ZBTB38: variants seen among roughly 807,000 people sequenced by gnomAD.
ZBTB38 encodes zinc finger and BTB domain-containing protein 38.
Under a neutral mutation model 76.8 loss-of-function variants are expected in ZBTB38, and 20 were observed. That is an observed-to-expected ratio of 0.26 (90% confidence interval 0.18 to 0.38). ZBTB38 has a LOEUF of 0.38. Ranked by LOEUF, ZBTB38 falls within the 10% of genes least tolerant of loss-of-function variation. ZBTB38 has a pLI of 1.00. For synonymous variants in ZBTB38, 504 were observed against 544.2 expected (o/e 0.93, Z 1.03); for missense variants, 1,082 against 1,482.3 (o/e 0.73, Z 4.43).
chr3:141,396,174 T>C (rs976340201), intron 4 of ZBTB38: 3 of 152,262 alleles, frequency 2.0e-5, no homozygotes, highest in African/African-American at 7.2e-5. Flanking sequence ...CTTTCAAAAG[T>C]AGAGTCAGTC....
intron 2 of ZBTB38, among the ~76,000 whole-genome samples, chr3:141,377,636 C>T (rs536175486): frequency 3.9e-5 from 6 of 152,268 alleles, no homozygotes; most frequent in African/African-American, 1.2e-4. Context: ...CTTATGTTCA[C>T]GCAATAAACT....
intron 2 of ZBTB38, among the ~76,000 whole-genome samples, chr3:141,380,159 A>T (rs1217641539): frequency 6.6e-6 from 1 of 152,206 alleles, no homozygotes; most frequent in Non-Finnish European, 1.5e-5. Flanking sequence ...CTCTCTTTGA[A>T]CCTAATTTTC....
Position 141,350,380 on chromosome 3 carries a change from G to T in ZBTB38, c.-738-18241G>T, listed in dbSNP as rs549583888. On this transcript the variant is annotated intron_variant, in intron 1 of 7. Transcript: ENST00000509842. ...ATTTCTTTTCTTGTATAGTCTTTTG[G>T]TTTTTTTCACTGGAGTTTGTATTTG... 5.3e-5 allele frequency among the ~76,000 whole-genome samples: 8 copies of T among 152,138 alleles called. No homozygotes were observed. The East Asian group carries it at 1.5e-3, about 29-fold the overall frequency.
chr3:141,352,920 C>A (rs546795183), intron 1 of ZBTB38, among the ~76,000 whole-genome samples: 1 of 152,096 alleles, frequency 6.6e-6, no homozygotes, highest in African/African-American at 2.4e-5. Flanking sequence ...AACATAAGAA[C>A]CCCCAAATAA....
At chr3:141,383,829 A>T (rs907205204) in intron 3 of ZBTB38, 6 of 152,244 alleles carry the variant, frequency 3.9e-5, no homozygotes, top group Non-Finnish European at 8.8e-5. Context: ...TGGCAGAAAC[A>T]GGCTAAAATG....
chr3:141,333,973 C>G (rs1193071735), intron 1 of ZBTB38, among the ~76,000 whole-genome samples: 1 of 152,088 alleles, frequency 6.6e-6, no homozygotes, highest in Non-Finnish European at 1.5e-5. Flanking sequence ...GTGTGGTTGC[C>G]TCTTACATAA....
At chr3:141,346,093 C>T (rs1943344647) in intron 1 of ZBTB38, among the ~76,000 whole-genome samples, 1 of 152,196 alleles carries the variant, frequency 6.6e-6, no homozygotes, top group African/African-American at 2.4e-5. Context: ...GCAATCACCT[C>T]TCTCTGAAGC....
chr3:141,328,941 A>C (rs1403493144), intron 1 of ZBTB38, among the ~76,000 whole-genome samples: 1 of 152,114 alleles, frequency 6.6e-6, no homozygotes, highest in Non-Finnish European at 1.5e-5. Context: ...GCATTCCCTG[A>C]GCCCTCCAGG....
At chr3:141,333,093 A>C (rs1432438414) in intron 1 of ZBTB38, among the ~76,000 whole-genome samples, 1 of 152,192 alleles carries the variant, frequency 6.6e-6, no homozygotes, top group Non-Finnish European at 1.5e-5. Flanking sequence ...TGAGTTCTAC[A>C]AGGGGTTGGA....
intron 3 of ZBTB38, among the ~76,000 whole-genome samples, chr3:141,382,716 C>T (rs984620333): frequency 2.6e-5 from 4 of 152,098 alleles, no homozygotes; most frequent in African/African-American, 4.8e-5. Context: ...GTGTCTTTTC[C>T]ACCTGCTGGG....
intron 5 of ZBTB38, among the ~76,000 whole-genome samples, chr3:141,407,438 G>A (rs138541559): frequency 1.2e-4 from 19 of 152,312 alleles, no homozygotes; most frequent in African/African-American, 4.6e-4. Flanking sequence ...ATATACCATA[G>A]TAGGTAATTA....
At chr3:141,410,317 A>G (rs1956226693) in intron 5 of ZBTB38, among the ~76,000 whole-genome samples, 1 of 152,354 alleles carries the variant, frequency 6.6e-6, no homozygotes, top group South Asian at 2.1e-4. Flanking sequence ...CTCTTACAGA[A>G]GGATTGGGAC....
At chr3:141,391,040 G>C (rs907480841) in intron 4 of ZBTB38, among the ~76,000 whole-genome samples, 1 of 152,056 alleles carries the variant, frequency 6.6e-6, no homozygotes, top group Admixed American at 6.6e-5. Flanking sequence ...TGCACCTGTA[G>C]TCCTAGCTAT....
Position 141,333,333 on chromosome 3 carries a change from G to A in ZBTB38, c.-739+8877G>A, listed in dbSNP as rs542095710. 1.7e-3 allele frequency among the ~76,000 whole-genome samples: 256 copies of A among 152,206 alleles called. 1 individual carries two copies. The highest frequency in any genetic ancestry group is 6.0e-3 in the African/African-American group (250 of 41,528). On this transcript the variant is annotated intron_variant, in intron 1 of 7. Coordinates refer to the ZBTB38 transcript ENST00000509842. ...AGGCCCAGGAAACCAGCACGGGAGAGTCACTCACATGGTTGGTTGCTCACT... is the reference window on the plus strand; with the variant it reads ...AGGCCCAGGAAACCAGCACGGGAGAATCACTCACATGGTTGGTTGCTCACT...
In ZBTB38 at chr3:141,447,811, A is replaced by G. The variant is rs1237452007; in HGVS notation, c.*1835A>G. The G allele has an allele frequency of 6.6e-6, 1 of 152,554 alleles. No homozygotes were observed. The highest frequency in any genetic ancestry group is 1.5e-5 in the Non-Finnish European group (1 of 68,040). 9.5% of individuals were successfully genotyped at this position (152,554 alleles called of 1,614,324 possible). ...AGGACATGATTAAAGTTGACCTTTT[A>G]ATACTGTAGTACCTTGCTGTTAAGT... On this transcript the variant is annotated 3_prime_UTR_variant, in exon 6 of 6. Coordinates refer to ENST00000321464, the MANE Select transcript of ZBTB38 (RefSeq NM_001376113.1).
At chr3:141,425,617 T>C (rs1434429476) in intron 5 of ZBTB38, among the ~76,000 whole-genome samples, 2 of 152,218 alleles carry the variant, frequency 1.3e-5, no homozygotes, top group Non-Finnish European at 2.9e-5. Flanking sequence ...CCACAGGGCA[T>C]AGCCTGTACC....
intron 5 of ZBTB38, among the ~76,000 whole-genome samples, chr3:141,431,355 T>TATATATATATATATA (rs1362541027): frequency 3.6e-5 from 5 of 137,952 alleles, no homozygotes; most frequent in African/African-American, 6.1e-5. Context: ...TATATATATA[T>TATATATATATATATA]TTGGGGGGGA....
rs1245254159 is a variant in ZBTB38 at position 141,378,650 on chromosome 3, A to G, written c.-234-2775A>G. ...GGATTTATCCCCTGGCTTCCCCTTT[A>G]TGAGCAACTCCTACTATTTATTTTG... On this transcript the variant is annotated intron_variant, in intron 2 of 5. Transcript: ENST00000321464. Among the ~76,000 whole-genome samples the G allele has an allele frequency of 2.6e-5, 4 of 152,204 alleles. No individual in the cohort carries two copies. In the East Asian group the frequency reaches 5.8e-4, roughly 22 times the overall value.
chr3:141,431,665 A>G (rs1015440724), intron 5 of ZBTB38: 1 of 152,000 alleles, frequency 6.6e-6, no homozygotes, highest in Non-Finnish European at 1.5e-5. Flanking sequence ...TCACAATCCT[A>G]TGTGCACGCA....
Sources: gnomAD v4.1 joint callset for allele counts (sites outside exome capture counted in the v4.1 genomes callset) on GRCh38, gnomAD v4.1.1 for gene constraint, MANE v1.5 for transcripts, NCBI Gene and HGNC (gene_info 2026-07-23, HGNC 2026-07-21) for gene names.